SLC24A2: variants seen among roughly 807,000 people sequenced by gnomAD.
The protein encoded by SLC24A2 is solute carrier family 24 member 2.
SLC24A2 carries 36 observed loss-of-function variants against 62.0 expected under a neutral mutation model. The ratio of observed to expected loss-of-function variants is 0.58; its 90% CI spans 0.44 to 0.77. The LOEUF (loss-of-function observed/expected upper bound fraction) is 0.77, where lower values mean the gene tolerates loss of function less well. SLC24A2 is among the 30% of genes least tolerant of loss of function. The pLI, the probability that SLC24A2 is intolerant of heterozygous loss-of-function variation, is 0.00. For missense variants in SLC24A2, 846 were observed against 817.9 expected (o/e 1.03, Z -0.42); for synonymous variants, 358 against 294.0 (o/e 1.22, Z -2.23).
At chr9:19,536,798 A>C (rs200371328) in intron 8 of SLC24A2, among the ~76,000 whole-genome samples, 459 of 47,300 alleles carry the variant, frequency 9.7e-3, no homozygotes, top group Non-Finnish European at 0.01. Context: ...CAATGGTTGA[A>C]CTAGTTTACA....
intron 6 of SLC24A2, among the ~76,000 whole-genome samples, chr9:19,574,688 C>G (rs1021932288): frequency 6.6e-6 from 1 of 152,122 alleles, no homozygotes; most frequent in African/African-American, 2.4e-5. Context: ...TATTATAGTG[C>G]CTGCCTTTCA....
the SLC24A2 span, among the ~76,000 whole-genome samples, chr9:19,818,765 A>C: frequency 6.6e-6 from 1 of 152,168 alleles, no homozygotes; most frequent in East Asian, 1.9e-4. Flanking sequence ...GAAAATGACC[A>C]TACTGCCAAA....
chr9:20,267,405 A>G, the SLC24A2 span, among the ~76,000 whole-genome samples: 1 of 152,216 alleles, frequency 6.6e-6, no homozygotes, highest in South Asian at 2.1e-4. Flanking sequence ...CAGTGAGTTC[A>G]GAATGCTGGC....
At chr9:19,851,245 G>T in the SLC24A2 span, among the ~76,000 whole-genome samples, 2 of 150,776 alleles carry the variant, frequency 1.3e-5, no homozygotes, top group African/African-American at 4.9e-5. Context: ...AGCTGGTCCT[G>T]AACTCCTGAC....
the SLC24A2 span, among the ~76,000 whole-genome samples, chr9:20,083,319 G>A: frequency 6.6e-6 from 1 of 152,186 alleles, no homozygotes; most frequent in South Asian, 2.1e-4. Flanking sequence ...CAGTTGCGCT[G>A]CACCTTACAA....
At chr9:19,970,770 T>A in the SLC24A2 span, among the ~76,000 whole-genome samples, 1 of 152,318 alleles carries the variant, frequency 6.6e-6, no homozygotes, top group African/African-American at 2.4e-5. Context: ...AGAAAAAAAG[T>A]ATTCTACAGA....
chr9:20,270,200 A>C, the SLC24A2 span, among the ~76,000 whole-genome samples: 1 of 152,150 alleles, frequency 6.6e-6, no homozygotes, highest in African/African-American at 2.4e-5. Flanking sequence ...CCCATGACCC[A>C]AACAGCTTCC....
the SLC24A2 span, among the ~76,000 whole-genome samples, chr9:19,871,874 A>G: frequency 4.6e-5 from 7 of 152,126 alleles, no homozygotes; most frequent in African/African-American, 1.7e-4. Context: ...ACATATGCAA[A>G]ATTTTCTTAT....
intron 8 of SLC24A2, among the ~76,000 whole-genome samples, chr9:19,529,003 C>A (rs1198048031): frequency 6.6e-6 from 1 of 152,188 alleles, no homozygotes; most frequent in Non-Finnish European, 1.5e-5. Context: ...AGTCCCACTA[C>A]AGAGAAACCC....
At chr9:20,132,319 G>T in the SLC24A2 span, among the ~76,000 whole-genome samples, 1 of 152,098 alleles carries the variant, frequency 6.6e-6, no homozygotes, top group African/African-American at 2.4e-5. Flanking sequence ...GATGTGCTAT[G>T]TGAAAGAGTT....
chr9:19,527,082 C>T (rs1833478321), intron 9 of SLC24A2, among the ~76,000 whole-genome samples: 2 of 152,106 alleles, frequency 1.3e-5, no homozygotes, highest in Admixed American at 1.3e-4. Context: ...ATTATTCCAG[C>T]ATCATTTGTT....
the SLC24A2 span, among the ~76,000 whole-genome samples, chr9:19,820,051 A>ATGTG: frequency 3.9e-4 from 7 of 17,970 alleles, no homozygotes; most frequent in African/African-American, 5.7e-4. Context: ...ACATATATAT[A>ATGTG]TATACACATA....
At chr9:20,224,285 G>C in the SLC24A2 span, among the ~76,000 whole-genome samples, 1 of 151,952 alleles carries the variant, frequency 6.6e-6, no homozygotes, top group South Asian at 2.1e-4. Context: ...CTTCAAGCTA[G>C]ATAAGGATTT....
the SLC24A2 span, among the ~76,000 whole-genome samples, chr9:20,141,942 G>C: frequency 6.6e-6 from 1 of 152,178 alleles, no homozygotes; most frequent in Non-Finnish European, 1.5e-5. Context: ...AATTAGCTCA[G>C]TGTAGTGGCA....
the SLC24A2 span, among the ~76,000 whole-genome samples, chr9:19,982,176 T>G: frequency 1.3e-5 from 2 of 152,130 alleles, no homozygotes; most frequent in South Asian, 4.1e-4. Flanking sequence ...AGATGGGCAA[T>G]GGGTTTCATG....
intron 2 of SLC24A2, among the ~76,000 whole-genome samples, chr9:19,654,123 G>T (rs575282752): frequency 4.6e-5 from 7 of 152,228 alleles, no homozygotes; most frequent in African/African-American, 1.7e-4. Flanking sequence ...ATCCACTTTT[G>T]GTTATTACAG....
At chr9:20,219,134 G>A in the SLC24A2 span, among the ~76,000 whole-genome samples, 1 of 152,196 alleles carries the variant, frequency 6.6e-6, no homozygotes, top group South Asian at 2.1e-4. Flanking sequence ...GGAGTTGGGT[G>A]GCCCTCAGTC....
At chr9:19,520,766 A>G (rs1833157983) in intron 10 of SLC24A2, 128 bp downstream of exon 10, 6 of 845,216 alleles carry the variant, frequency 7.1e-6, no homozygotes, top group Non-Finnish European at 8.0e-6. Context: ...TGGTATTCTC[A>G]ATCTTTACTC....
At chr9:19,730,036 G>T (rs572029125) in intron 2 of SLC24A2, among the ~76,000 whole-genome samples, 2 of 151,986 alleles carry the variant, frequency 1.3e-5, no homozygotes, top group South Asian at 4.2e-4. Flanking sequence ...AAAAAAAATA[G>T]AAAAGTACTG....
Sources: gnomAD v4.1 joint callset for allele counts (sites outside exome capture counted in the v4.1 genomes callset) on GRCh38, gnomAD v4.1.1 for gene constraint, MANE v1.5 for transcripts, NCBI Gene and HGNC (gene_info 2026-07-23, HGNC 2026-07-21) for gene names.